DLG2: variants seen among roughly 807,000 people sequenced by gnomAD.
The protein encoded by DLG2 is discs large MAGUK scaffold protein 2, also known as disks large homolog 2.
DLG2 carries 45 observed loss-of-function variants against 132.5 expected under a neutral mutation model. The ratio of observed to expected loss-of-function variants is 0.34; its 90% CI spans 0.27 to 0.44. The LOEUF (loss-of-function observed/expected upper bound fraction) is 0.44. Ranked by LOEUF, DLG2 falls within the 20% of genes least tolerant of loss-of-function variation. The pLI is 1.00. For missense variants in DLG2, 1,045 were observed against 1,196.9 expected (o/e 0.87, Z 1.87); for synonymous variants, 424 against 419.6 (o/e 1.01, Z -0.13).
rs79553399 is a variant in DLG2, at chr11:84,342,351, G to A, written c.520-91060C>T. Among the ~76,000 whole-genome samples the A allele has an allele frequency of 3.2e-3, 492 of 152,236 alleles. 19 individuals carry two copies. In the East Asian group the frequency reaches 0.074, roughly 23 times the overall value. On this transcript the variant is annotated intron_variant, in intron 7 of 27. Coordinates refer to ENST00000376104, the MANE Select transcript of DLG2 (RefSeq NM_001142699.3). ...CTAATACAGCAGGAGTGTAATCTAGGGCCCCTGTTGGAAGGAGCTATGGTT... is the reference window on the plus strand; with the variant it reads ...CTAATACAGCAGGAGTGTAATCTAGAGCCCCTGTTGGAAGGAGCTATGGTT...
At chr11:85,396,112 G>A (rs563816347) in intron 3 of DLG2, among the ~76,000 whole-genome samples, 1 of 152,160 alleles carries the variant, frequency 6.6e-6, no homozygotes, top group Non-Finnish European at 1.5e-5. Flanking sequence ...GCCTCCGCTG[G>A]TGATACCCAG....
chr11:85,285,402 T>A (rs2078491803), intron 3 of DLG2, 37 bp from the exon 4 acceptor site: 2 of 1,594,112 alleles, frequency 1.3e-6, no homozygotes, highest in Non-Finnish European at 1.7e-6. Flanking sequence ...CAAAATGTAA[T>A]GCATGACTTC....
At chr11:84,012,705 G>A (rs1411725903) in intron 11 of DLG2, among the ~76,000 whole-genome samples, 1 of 152,088 alleles carries the variant, frequency 6.6e-6, no homozygotes, top group African/African-American at 2.4e-5. Context: ...ATAAACAGGA[G>A]GAAAGCAGGA....
intron 6 of DLG2, 88 bp downstream of exon 6, chr11:85,111,573 G>C (rs2072748926): frequency 1.9e-6 from 2 of 1,039,766 alleles, no homozygotes; most frequent in Non-Finnish European, 2.7e-6. Flanking sequence ...GAATTTCAGA[G>C]AGCATTCTGG....
At chr11:85,287,147 C>A (rs990045913) in intron 3 of DLG2, among the ~76,000 whole-genome samples, 2 of 151,872 alleles carry the variant, frequency 1.3e-5, no homozygotes, top group African/African-American at 2.4e-5. Flanking sequence ...TATGTCCAAA[C>A]CTATTAAATT....
intron 7 of DLG2, among the ~76,000 whole-genome samples, chr11:84,294,579 C>T (rs894922173): frequency 1.3e-5 from 2 of 152,186 alleles, no homozygotes; most frequent in African/African-American, 4.8e-5. Context: ...GCCTGGGTGA[C>T]AGTCTGAGAC....
chr11:85,008,741 G>A (rs1160222561), intron 6 of DLG2, among the ~76,000 whole-genome samples: 1 of 151,924 alleles, frequency 6.6e-6, no homozygotes, highest in African/African-American at 2.4e-5. Context: ...ACACTGTGAT[G>A]AGCAATTCTG....
chr11:85,124,139 G>C (rs975774961), intron 5 of DLG2, among the ~76,000 whole-genome samples: 1 of 152,230 alleles, frequency 6.6e-6, no homozygotes, highest in Non-Finnish European at 1.5e-5. Context: ...TGTATACATA[G>C]TTGCTACACT....
At chr11:84,231,833 A>C (rs1454021) in intron 8 of DLG2, among the ~76,000 whole-genome samples, 4 of 151,806 alleles carry the variant, frequency 2.6e-5, no homozygotes, top group South Asian at 4.2e-4. Context: ...TCAGAGGCAA[A>C]TGAGGGAGTC....
At chr11:84,558,791 G>A (rs1472482486) in intron 6 of DLG2, among the ~76,000 whole-genome samples, 3 of 152,132 alleles carry the variant, frequency 2.0e-5, no homozygotes, top group Non-Finnish European at 4.4e-5. Context: ...ATGACTTGGT[G>A]AAGGCTATTG....
chr11:83,950,129 T>G (rs994911774), intron 14 of DLG2, among the ~76,000 whole-genome samples: 3 of 152,206 alleles, frequency 2.0e-5, no homozygotes, highest in African/African-American at 7.2e-5. Flanking sequence ...AGCTGCCTCC[T>G]GGAATTACTA....
intron 11 of DLG2, among the ~76,000 whole-genome samples, chr11:84,022,717 AAGAAACATC>A (rs1461229091): frequency 6.6e-6 from 1 of 152,190 alleles, no homozygotes; most frequent in Non-Finnish European, 1.5e-5. Flanking sequence ...AAAATGGAGG[AAGAAACATC>A]AGAAACTTTT....
chr11:84,213,617 AG>A (rs1283248640), intron 8 of DLG2, among the ~76,000 whole-genome samples: 1 of 152,100 alleles, frequency 6.6e-6, no homozygotes, highest in Non-Finnish European at 1.5e-5. Context: ...CAGGAGATCA[AG>A]ACCATCCTGG....
chr11:84,284,631 C>T (rs188740183), intron 7 of DLG2, among the ~76,000 whole-genome samples: 2 of 152,294 alleles, frequency 1.3e-5, no homozygotes, highest in African/African-American at 4.8e-5. Context: ...AAACTTCAGA[C>T]CAGAGTCAAG....
intron 18 of DLG2, among the ~76,000 whole-genome samples, chr11:83,720,294 G>GAAAAAAAAAACAAAAAA (rs2088061106): frequency 3.7e-5 from 1 of 27,288 alleles, no homozygotes; most frequent in Non-Finnish European, 6.3e-5. Context: ...CTCCATCTCA[G>GAAAAAAAAAACAAAAAA]AAAAAAAAAA....
chr11:84,178,022 A>C (rs1359222261), intron 8 of DLG2, among the ~76,000 whole-genome samples: 1 of 152,056 alleles, frequency 6.6e-6, no homozygotes, highest in African/African-American at 2.4e-5. Context: ...AAAACTGCTG[A>C]ATGTTAGTTA....
chr11:83,711,634 T>A (rs779801238), intron 18 of DLG2, among the ~76,000 whole-genome samples: 1 of 152,192 alleles, frequency 6.6e-6, no homozygotes, highest in African/African-American at 2.4e-5. Context: ...GTAAGAAAAG[T>A]TACAGGCAGA....
chr11:85,544,476 C>A (rs2076172893), intron 3 of DLG2, among the ~76,000 whole-genome samples: 1 of 152,166 alleles, frequency 6.6e-6, no homozygotes, highest in African/African-American at 2.4e-5. Flanking sequence ...GTTTTGTGGA[C>A]TCTTTTTTGA....
chr11:85,533,458 CATAT>C (rs34379979), intron 3 of DLG2, among the ~76,000 whole-genome samples: 136 of 142,144 alleles, frequency 9.6e-4, no homozygotes, highest in Middle Eastern at 3.6e-3. Flanking sequence ...ACATAAAATA[CATAT>C]ATATATATAT....
Sources: gnomAD v4.1 joint callset for allele counts (sites outside exome capture counted in the v4.1 genomes callset) on GRCh38, gnomAD v4.1.1 for gene constraint, MANE v1.5 for transcripts, NCBI Gene and HGNC (gene_info 2026-07-23, HGNC 2026-07-21) for gene names.